The following PTPRS variants were observed in gnomAD, a reference collection of about 807,000 sequenced individuals.
The protein encoded by PTPRS is receptor-type tyrosine-protein phosphatase S.
Under a neutral mutation model 215.3 loss-of-function variants are expected in PTPRS, and 63 were observed. The ratio of observed to expected loss-of-function variants is 0.29; its 90% CI spans 0.24 to 0.36. The LOEUF is 0.36. Among genes scored for constraint, PTPRS ranks in the 10% least tolerant of loss-of-function variants. The pLI is 1.00. For synonymous variants in PTPRS, 1,404 were observed against 1,191.4 expected, an observed-to-expected ratio of 1.18 and a Z score of -3.68; for missense variants, 2,258 against 2,825.8, an observed-to-expected ratio of 0.80 and a Z score of 4.56.
intron 17 of PTPRS, among the ~76,000 whole-genome samples, chr19:5,224,036 G>A (rs189056329): frequency 1.1e-4 from 16 of 152,068 alleles, no homozygotes; most frequent in African/African-American, 3.4e-4. Flanking sequence ...AAAATGAGCC[G>A]GGGGTGGTGG....
intron 9 of PTPRS, among the ~76,000 whole-genome samples, chr19:5,252,509 G>A (rs1163174945): frequency 2.0e-5 from 3 of 150,908 alleles, no homozygotes; most frequent in South Asian, 4.2e-4. Context: ...CCCAGGAGGC[G>A]GAGGTTGCAG....
At chr19:5,216,454 C>T (rs745502031) in intron 26 of PTPRS, among the ~76,000 whole-genome samples, 2 of 152,166 alleles carry the variant, frequency 1.3e-5, no homozygotes, top group Non-Finnish European at 2.9e-5. Flanking sequence ...CCTGCCTGTC[C>T]TGTGGGCACG....
At position 5,222,801 on chromosome 19, in the gene PTPRS, C is replaced by A. The variant is rs923571606; in HGVS notation, c.2991G>T (p.Leu997=). Reference sequence around the variant, plus strand: ...AGGCCGTGTCGGGCTTCAGGCCCTGCAGCGTGAGCGCGTTCTCCGCGCCCG... The same window carrying A: ...AGGCCGTGTCGGGCTTCAGGCCCTGAAGCGTGAGCGCGTTCTCCGCGCCCG... ...AEPGAENALT[L]QGLKPDTAYD... is the part of the protein sequence containing the mutation. The change falls in exon 18 of 38, where the codon CTG becomes CTT. Residue 997 remains leucine (L), a synonymous_variant. Coordinates refer to ENST00000262963, the MANE Select transcript of PTPRS (RefSeq NM_002850.4). 5 of 1,598,052 alleles carry A rather than the reference C, an allele frequency of 3.1e-6. No individual in the cohort carries two copies. Among genetic ancestry groups the A allele is most frequent in the Non-Finnish European group, 4.2e-6 (5 of 1,178,464 alleles).
At chr19:5,306,138 A>G (rs1325777345) in intron 1 of PTPRS, among the ~76,000 whole-genome samples, 7 of 142,924 alleles carry the variant, frequency 4.9e-5, no homozygotes, top group Non-Finnish European at 1.5e-5. Context: ...TAACTCTAGA[A>G]TACAGGGTGA....
intron 2 of PTPRS, among the ~76,000 whole-genome samples, chr19:5,284,548 G>A (rs1382136347): frequency 6.6e-6 from 1 of 151,966 alleles, no homozygotes; most frequent in Non-Finnish European, 1.5e-5. Flanking sequence ...TGAGTGCAGC[G>A]GTGCAATCAG....
intron 37 of PTPRS, among the ~76,000 whole-genome samples, chr19:5,207,061 C>T (rs575622185): frequency 2.8e-4 from 43 of 152,328 alleles, no homozygotes; most frequent in African/African-American, 1.0e-3. Flanking sequence ...CTCCTCCCGT[C>T]TGCCTGGAGG....
rs766936530 is a variant in PTPRS at position 5,222,156 on chromosome 19, G to A, written c.3168C>T (p.Phe1056=). The A allele has an allele frequency of 4.3e-6, 7 of 1,613,966 alleles. No homozygotes were observed. Among genetic ancestry groups the A allele is most frequent in the Non-Finnish European group, 5.9e-6 (7 of 1,179,964 alleles). ...GTGTGGGTGAGTTGTAGTTGTCAGG[G>A]AACTCCCAGCTGAGCAGAACTGATG... ...MKTSVLLSWE[F]PDNYNSPTPY... Residue 1056 remains phenylalanine, a synonymous_variant, in exon 19 of 38, where the codon TTC becomes TTT. Transcript: ENST00000262963.
At chr19:5,317,324 T>C (rs1028505791) in intron 1 of PTPRS, among the ~76,000 whole-genome samples, 15 of 152,142 alleles carry the variant, frequency 9.9e-5, no homozygotes, top group Middle Eastern at 3.4e-3. Flanking sequence ...ATACAAAAAT[T>C]AGCCAGGCGT....
chr19:5,259,592 T>A (rs1224772762), intron 7 of PTPRS, among the ~76,000 whole-genome samples: 4 of 152,078 alleles, frequency 2.6e-5, no homozygotes, highest in Non-Finnish European at 5.9e-5. Flanking sequence ...CTTATTTTCA[T>A]AAGTAAATAA....
intron 11 of PTPRS, among the ~76,000 whole-genome samples, chr19:5,242,191 G>A (rs1027263964): frequency 4.3e-5 from 5 of 115,050 alleles, no homozygotes; most frequent in African/African-American, 1.8e-4. Context: ...GAACAGATGA[G>A]GGAGGTTCTT....
intron 9 of PTPRS, among the ~76,000 whole-genome samples, chr19:5,253,758 G>T (rs1181929097): frequency 6.6e-6 from 1 of 152,192 alleles, no homozygotes; most frequent in East Asian, 1.9e-4. Context: ...GTGGACATGT[G>T]AAGTACATAA....
At chr19:5,317,008 T>C (rs2049895155) in intron 1 of PTPRS, among the ~76,000 whole-genome samples, 1 of 152,206 alleles carries the variant, frequency 6.6e-6, no homozygotes, top group Non-Finnish European at 1.5e-5. Flanking sequence ...GGATACCAAC[T>C]ATAGCTGGGG....
chr19:5,316,478 G>A (rs762969510), intron 1 of PTPRS, among the ~76,000 whole-genome samples: 4 of 152,046 alleles, frequency 2.6e-5, no homozygotes, highest in East Asian at 1.9e-4. Flanking sequence ...CCGCAACCTC[G>A]GCCTCCCGGG....
At chr19:5,313,063 C>T (rs944777900) in intron 1 of PTPRS, among the ~76,000 whole-genome samples, 32 of 152,312 alleles carry the variant, frequency 2.1e-4, no homozygotes, top group African/African-American at 6.7e-4. Flanking sequence ...AACAGGCGCA[C>T]GCCACCAACT....
chr19:5,258,922 G>GT (rs750047735), intron 7 of PTPRS, among the ~76,000 whole-genome samples: 1 of 152,142 alleles, frequency 6.6e-6, no homozygotes, highest in Non-Finnish European at 1.5e-5. Context: ...AAAACCACAA[G>GT]CCTGAAGTCA....
intron 17 of PTPRS, 45 bp downstream of exon 17, chr19:5,225,682 G>A (rs1162187433): frequency 5.9e-6 from 9 of 1,514,946 alleles, no homozygotes; most frequent in Non-Finnish European, 8.3e-6. Context: ...GTGCCAGTGG[G>A]GGCAAAGGGG....
At chr19:5,318,350 AAG>A (rs1555809299) in intron 1 of PTPRS, among the ~76,000 whole-genome samples, 2 of 148,662 alleles carry the variant, frequency 1.3e-5, no homozygotes, top group African/African-American at 5.0e-5. Flanking sequence ...AAAAAAAAAA[AAG>A]AAGAAGAAGA....
At chr19:5,268,898 C>G (rs1427388698) in intron 4 of PTPRS, among the ~76,000 whole-genome samples, 1 of 152,200 alleles carries the variant, frequency 6.6e-6, no homozygotes, top group Non-Finnish European at 1.5e-5. Context: ...CCATCGGGGC[C>G]CTGAAGGGGG....
In PTPRS at chr19:5,333,322, A is replaced by AAAT. The variant is rs35174348; in HGVS notation, c.-95+7339_-95+7341dup. On this transcript the variant is annotated intron_variant, in intron 1 of 37. Coordinates refer to ENST00000262963, the MANE Select transcript of PTPRS (RefSeq NM_002850.4). ...CCATCTCTACAAAAAAAAAATAAAT[A>AAAT]AATAATAATAATAATAATAATAATA... Among the ~76,000 whole-genome samples, 285 of 143,620 alleles carry AAAT rather than the reference A, an allele frequency of 2.0e-3. 2 individuals carry two copies. Among genetic ancestry groups the AAAT allele is most frequent in the Middle Eastern group, 7.2e-3 (2 of 278 alleles). The allele number at this position is 143,620 out of a possible 152,430, so 94.2% of individuals were successfully genotyped here. A position where few individuals can be genotyped will look rare whatever the true frequency, so the allele number is the denominator to read the frequency against.
Sources: gnomAD v4.1 joint callset for allele counts (sites outside exome capture counted in the v4.1 genomes callset) on GRCh38, gnomAD v4.1.1 for gene constraint, MANE v1.5 for transcripts, NCBI Gene and HGNC (gene_info 2026-07-23, HGNC 2026-07-21) for gene names.